KCNH7: variants seen among roughly 807,000 people sequenced by gnomAD.
KCNH7 encodes the protein potassium voltage-gated channel subfamily H member 7.
A neutral mutation model predicts 120.8 loss-of-function variants in KCNH7; 49 were observed. That is an observed-to-expected ratio of 0.41 (90% confidence interval 0.32 to 0.51). KCNH7 has a LOEUF of 0.51. KCNH7 is among the 20% of genes least tolerant of loss of function. The probability of loss-of-function intolerance (pLI) is 0.38; values close to 1 mark genes in which losing one functional copy is unlikely to be tolerated. For synonymous variants in KCNH7, 547 were observed against 516.1 expected (o/e 1.06, Z -0.81); for missense variants, 1,097 against 1,446.6 (o/e 0.76, Z 3.92).
At chr2:162,786,486 T>C (rs1259779159) in intron 2 of KCNH7, among the ~76,000 whole-genome samples, 1 of 152,216 alleles carries the variant, frequency 6.6e-6, no homozygotes, top group East Asian at 1.9e-4. Context: ...TGCGACTTTT[T>C]GAGCTTGTAC....
intron 2 of KCNH7, among the ~76,000 whole-genome samples, chr2:162,570,933 A>C (rs1041564457): frequency 5.3e-5 from 8 of 152,160 alleles, no homozygotes; most frequent in African/African-American, 1.7e-4. Context: ...ACCCACAGCC[A>C]ATATCATACT....
chr2:162,622,234 A>G (rs1683389332), intron 2 of KCNH7, among the ~76,000 whole-genome samples: 1 of 152,182 alleles, frequency 6.6e-6, no homozygotes, highest in Non-Finnish European at 1.5e-5. Flanking sequence ...ATTCACATAA[A>G]ACATCATGGG....
At chr2:162,408,654 A>C (rs1307401346) in intron 9 of KCNH7, among the ~76,000 whole-genome samples, 1 of 151,996 alleles carries the variant, frequency 6.6e-6, no homozygotes, top group Non-Finnish European at 1.5e-5. Flanking sequence ...TGCCTATCCC[A>C]ACTATAAAAA....
At chr2:162,777,627 A>G (rs540467212) in intron 2 of KCNH7, among the ~76,000 whole-genome samples, 11 of 152,280 alleles carry the variant, frequency 7.2e-5, no homozygotes, top group African/African-American at 2.4e-4. Flanking sequence ...GTATTACAGT[A>G]TCTCATTTTA....
intron 2 of KCNH7, among the ~76,000 whole-genome samples, chr2:162,830,155 C>T (rs1685424661): frequency 2.0e-5 from 3 of 152,088 alleles, no homozygotes; most frequent in African/African-American, 7.2e-5. Context: ...TTTGATCTGT[C>T]TTTGAAAGGA....
intron 6 of KCNH7, among the ~76,000 whole-genome samples, chr2:162,464,647 C>G (rs528805131): frequency 6.6e-6 from 1 of 152,016 alleles, no homozygotes; most frequent in African/African-American, 2.4e-5. Context: ...ACAGCTAAAA[C>G]TGCTGCATTT....
In KCNH7 at chr2:162,570,888, C is replaced by A. The variant is rs868843837; in HGVS notation, c.308-33808G>T. 1.5e-4 allele frequency among the ~76,000 whole-genome samples: 23 copies of A among 152,122 alleles called. No individual in the cohort carries two copies. In the South Asian group the frequency reaches 1.9e-3, roughly 12 times the overall value. ...TCTCAATAAATTAGGTATTGATGGG[C>A]CGTATTTCAAAATAATAAGAGGTAT... On this transcript the variant is annotated intron_variant, in intron 2 of 15. Transcript: ENST00000332142.
At chr2:162,662,079 T>C (rs1244529728) in intron 2 of KCNH7, among the ~76,000 whole-genome samples, 1 of 152,024 alleles carries the variant, frequency 6.6e-6, no homozygotes, top group Non-Finnish European at 1.5e-5. Flanking sequence ...CTGGTCAAGA[T>C]GGTGAAACCC....
intron 2 of KCNH7, among the ~76,000 whole-genome samples, chr2:162,727,169 A>G (rs1233628470): frequency 6.6e-6 from 1 of 152,222 alleles, no homozygotes. Flanking sequence ...TTCCAAGGAC[A>G]GCTTAATAGC....
intron 6 of KCNH7, among the ~76,000 whole-genome samples, chr2:162,501,282 A>AT (rs1303930231): frequency 1.3e-5 from 2 of 151,986 alleles, no homozygotes; most frequent in Non-Finnish European, 2.9e-5. Flanking sequence ...CATTCATTGT[A>AT]TTTTTTACAC....
chr2:162,526,241 A>G (rs1268993980), intron 3 of KCNH7, among the ~76,000 whole-genome samples: 1 of 151,934 alleles, frequency 6.6e-6, no homozygotes, highest in Non-Finnish European at 1.5e-5. Context: ...ATAAGATATC[A>G]CAAGGCAAAT....
chr2:162,760,201 C>T (rs1424708885), intron 2 of KCNH7, among the ~76,000 whole-genome samples: 1 of 152,036 alleles, frequency 6.6e-6, no homozygotes, highest in Non-Finnish European at 1.5e-5. Context: ...GGGATTCAAA[C>T]ATTTTCTAGT....
At position 162,536,957 on chromosome 2, in the gene KCNH7, A is replaced by G. The variant is rs1283552409; in HGVS notation, c.431T>C (p.Val144Ala). ...AGTTTTGATTGGTAATATTGGGTTT[A>G]CCCTCTCTGGGGTGGCAGCGTTTTC... ...DNENAATPERVNPILPIKTVN... is the reference protein window; with the variant it reads ...DNENAATPERANPILPIKTVN... The change falls in exon 3 of 16, where the codon GTA becomes GCA. Residue 144 changes from valine (V) to alanine (A), a missense_variant. This residue lies in a region of KCNH7 where 362 missense variants were observed against 372.2 expected (regional missense o/e 0.97). Coordinates refer to ENST00000332142, the MANE Select transcript of KCNH7 (RefSeq NM_033272.4). 1 of 1,612,802 alleles carries G rather than the reference A, an allele frequency of 6.2e-7. No individual in the cohort carries two copies. The highest frequency in any genetic ancestry group is 1.1e-5 in the South Asian group (1 of 91,014).
chr2:162,481,365 C>A (rs922125018), intron 6 of KCNH7, among the ~76,000 whole-genome samples: 2 of 152,032 alleles, frequency 1.3e-5, no homozygotes, highest in African/African-American at 4.8e-5. Flanking sequence ...ATTAGGAATC[C>A]AAGACAAGGA....
chr2:162,819,991 A>C (rs1223276658), intron 2 of KCNH7, among the ~76,000 whole-genome samples: 1 of 150,758 alleles, frequency 6.6e-6, no homozygotes, highest in Non-Finnish European at 1.5e-5. Flanking sequence ...CATTACATAA[A>C]TTCTACAGTG....
intron 2 of KCNH7, among the ~76,000 whole-genome samples, chr2:162,748,798 A>G: frequency 6.7e-6 from 1 of 149,906 alleles, no homozygotes; most frequent in African/African-American, 2.5e-5. Context: ...GCCAAACCTA[A>G]CAGACATATC....
intron 2 of KCNH7, among the ~76,000 whole-genome samples, chr2:162,820,610 T>C (rs1384520036): frequency 6.6e-6 from 1 of 152,196 alleles, no homozygotes. Flanking sequence ...AGTGGCTAAC[T>C]TGTGTTTTCT....
chr2:162,421,788 AC>A (rs1303433294), intron 9 of KCNH7, among the ~76,000 whole-genome samples: 1 of 152,196 alleles, frequency 6.6e-6, no homozygotes, highest in African/African-American at 2.4e-5. Context: ...AGACTTTATC[AC>A]AAAAAATGGT....
chr2:162,721,006 G>A lies in KCNH7; in HGVS notation c.307+115531C>T, dbSNP rs79357467. On this transcript the variant is annotated intron_variant, in intron 2 of 15. Coordinates refer to ENST00000332142, the MANE Select transcript of KCNH7 (RefSeq NM_033272.4). ...AATAAATCAAATCCTGAGGTGCGGT[G>A]CTTGCAGATTTCTGAGGTATAGATA... Among the ~76,000 whole-genome samples the A allele has an allele frequency of 9.0e-3, 1,371 of 152,118 alleles. 19 individuals carry two copies. The highest frequency in any genetic ancestry group is 0.032 in the African/African-American group (1,309 of 41,494).
Sources: gnomAD v4.1 joint callset for allele counts (sites outside exome capture counted in the v4.1 genomes callset) on GRCh38, gnomAD v4.1.1 for gene constraint, gnomAD v4.1.1 regional missense constraint, MANE v1.5 for transcripts, NCBI Gene and HGNC (gene_info 2026-07-23, HGNC 2026-07-21) for gene names.